ECE2: variants seen among roughly 807,000 people sequenced by gnomAD.
ECE2 encodes the protein endothelin converting enzyme 2.
A neutral mutation model predicts 100.6 loss-of-function variants in ECE2; 81 were observed. The observed-to-expected ratio is 0.81, with a 90% confidence interval of 0.67 to 0.97. The LOEUF (loss-of-function observed/expected upper bound fraction) is 0.97. Among genes scored for constraint, ECE2 ranks in the 50% least tolerant of loss-of-function variants. The pLI is 0.00. For synonymous variants in ECE2, 391 were observed against 391.5 expected (o/e 1.00, Z 0.02); for missense variants, 911 against 988.1 (o/e 0.92, Z 1.05).
rs377430904 is a variant in ECE2, at chr3:184,278,003, G to A, written c.557G>A (p.Arg186His). Residue 186 changes from arginine (R) to histidine (H), a missense_variant, in exon 5 of 19, where the codon CGC becomes CAC. Arg to His is a conservative substitution (Grantham distance 29). Transcript: ENST00000404464. ...TACCTATCTTGCCTACAGGTGGAGC[G>A]CATTGAGGAGCTGGGAGCCCAGCCA... is the stretch of plus-strand genomic sequence containing the variant. Reference protein sequence around the residue: ...RFYLSCLQVERIEELGAQPLR... With the variant: ...RFYLSCLQVEHIEELGAQPLR... 4.6e-5 allele frequency: 75 copies of A among 1,613,870 alleles called. 1 individual carries two copies. The highest frequency in any genetic ancestry group is 5.6e-5 in the Non-Finnish European group (66 of 1,180,032).
At chr3:184,276,298 C>T (rs1468723855) in intron 1 of ECE2, 106 bp downstream of exon 1, 12 of 1,397,162 alleles carry the variant, frequency 8.6e-6, no homozygotes, top group Non-Finnish European at 1.1e-5. Context: ...GGAGGTAAGG[C>T]TGCCTCCCGG....
At chr3:184,290,405 T>G (rs1399776591) in intron 14 of ECE2, 47 bp downstream of exon 14, 2 of 1,586,816 alleles carry the variant, frequency 1.3e-6, no homozygotes, top group Non-Finnish European at 8.6e-7. Context: ...GCAGGAGAGG[T>G]GGGGGAAGGT....
chr3:184,283,656 C>A, intron 7 of ECE2, 129 bp from the exon 8 acceptor site: 2 of 716,002 alleles, frequency 2.8e-6, no homozygotes, highest in Non-Finnish European at 4.2e-6. Flanking sequence ...AGAAATGAAA[C>A]AGGTCATCCA....
intron 1 of ECE2, 72 bp downstream of exon 1, chr3:184,276,264 A>G: frequency 7.0e-7 from 1 of 1,430,368 alleles, no homozygotes; most frequent in Non-Finnish European, 9.2e-7. Flanking sequence ...TCGGCCGCGG[A>G]GGGGCAGGCG....
Position 184,285,023 on chromosome 3 carries a change from T to C in ECE2, c.1066T>C (p.Leu356=). ...GTCTTTCTTGCTGTCACCATTGGAGTTGAGTGACTCTGAGCCTGTGGTGGT... is the reference window on the plus strand; with the variant it reads ...GTCTTTCTTGCTGTCACCATTGGAGCTGAGTGACTCTGAGCCTGTGGTGGT... ...FLSFLLSPLE[L]SDSEPVVVYG... Residue 356 remains leucine (L), a synonymous_variant, in exon 9 of 19, where the codon TTG becomes CTG. Transcript: ENST00000404464. 1 of 1,613,958 alleles carries C rather than the reference T, an allele frequency of 6.2e-7. No individual in the cohort carries two copies. Among genetic ancestry groups the C allele is most frequent in the Non-Finnish European group, 8.5e-7 (1 of 1,179,978 alleles).
At position 184,291,923 on chromosome 3, in the gene ECE2, G is replaced by A. The variant is rs1486993981; in HGVS notation, c.2122-139G>A. The A allele has an allele frequency of 1.0e-5, 10 of 958,268 alleles. No homozygotes were observed. The highest frequency in any genetic ancestry group is 3.4e-4 in the Middle Eastern group (1 of 2,922). 59.4% of individuals were successfully genotyped at this position (958,268 alleles called of 1,614,324 possible). A position where few individuals can be genotyped will look rare whatever the true frequency, so the allele number is the denominator to read the frequency against. ...TCGTCATGTCCATGCTGGGCAACCC[G>A]ATGTCCAGGGCAGTTTTGGAAGGAA... On this transcript the variant is annotated intron_variant, in intron 18 of 18. Transcript: ENST00000404464. The surrounding 1 kb of genome is among the most constrained non-coding windows in gnomAD (Gnocchi z 4.1).
chr3:184,288,641 G>GAT (rs1721173727), intron 11 of ECE2, among the ~76,000 whole-genome samples: 1 of 152,046 alleles, frequency 6.6e-6, no homozygotes, highest in Admixed American at 6.6e-5. Flanking sequence ...TTAAATGGCT[G>GAT]ATATATCTTT....
rs549297606 is a variant in ECE2 at position 184,288,767 on chromosome 3, A to C, written c.1375-670A>C. Among the ~76,000 whole-genome samples the C allele has an allele frequency of 4.6e-5, 7 of 152,356 alleles. No homozygotes were observed. The South Asian group carries it at 1.4e-3, about 32-fold the overall frequency. ...AGTGGGTAATCAAAATGTTAAAAGA[A>C]CTTATCTATGAATGAGTGCTTTATA... On this transcript the variant is annotated intron_variant, in intron 11 of 18. Coordinates refer to ENST00000404464, the MANE Select transcript of ECE2 (RefSeq NM_001100121.2).
intron 7 of ECE2, among the ~76,000 whole-genome samples, chr3:184,279,946 C>T (rs140724301): frequency 0.015 from 2,251 of 151,476 alleles, 26 homozygotes; most frequent in Non-Finnish European, 0.022. Flanking sequence ...GAATTAAGAG[C>T]ATCTGCGGTA....
chr3:184,285,203 A>G (rs1720983054), intron 9 of ECE2, 98 bp downstream of exon 9: 6 of 1,467,770 alleles, frequency 4.1e-6, no homozygotes, highest in African/African-American at 1.4e-5. Context: ...ACATTTGGTA[A>G]TGCTATGGGC....
chr3:184,287,845 G>A lies in ECE2; in HGVS notation c.1272G>A (p.Val424=), dbSNP rs759374994. 1.2e-6 allele frequency: 2 copies of A among 1,614,114 alleles called. No individual in the cohort carries two copies. Among genetic ancestry groups the A allele is most frequent in the Non-Finnish European group, 1.7e-6 (2 of 1,179,970 alleles). ...TCTTTGTCCTTTAACAGTCCTGTGT[G>A]CCGAGGTGGCAGACCTGCATCTCCA... ...ETLYGTKKSC[V]PRWQTCISNT... is the part of the protein sequence containing the mutation. The change falls in exon 11 of 19, where the codon GTG becomes GTA. Residue 424 remains valine, a synonymous_variant. Transcript: ENST00000404464.
At chr3:184,285,392 G>A in intron 9 of ECE2, 86 bp from the exon 10 acceptor site, 2 of 1,126,786 alleles carry the variant, frequency 1.8e-6, no homozygotes, top group Non-Finnish European at 1.3e-6. Context: ...CGGGACTCCT[G>A]CAACTTGCAT....
intron 10 of ECE2, among the ~76,000 whole-genome samples, chr3:184,286,288 G>A (rs1045214478): frequency 5.3e-5 from 8 of 152,142 alleles, no homozygotes; most frequent in Non-Finnish European, 8.8e-5. Flanking sequence ...ACTGAGAGAC[G>A]GGGTTTGGTA....
Position 184,292,338 on chromosome 3 carries a change from G to A in ECE2, c.*100G>A. The A allele has an allele frequency of 7.0e-7, 1 of 1,430,746 alleles. No homozygotes were observed. The highest frequency in any genetic ancestry group is 9.6e-7 in the Non-Finnish European group (1 of 1,040,448). 88.6% of individuals were successfully genotyped at this position (1,430,746 alleles called of 1,614,324 possible). A position where few individuals can be genotyped will look rare whatever the true frequency, so the allele number is the denominator to read the frequency against. ...GGTTGGGAGGAAGCAAATGCAAGCT[G>A]GGCTGGGTCTAGTCCCTCCCCCCCA... is the stretch of plus-strand genomic sequence containing the variant. On this transcript the variant is annotated 3_prime_UTR_variant, in exon 19 of 19. Transcript: ENST00000404464.
chr3:184,278,001 G>C lies in ECE2; in HGVS notation c.555G>C (p.Glu185Asp). The C allele has an allele frequency of 4.3e-6, 7 of 1,614,054 alleles. No homozygotes were observed. Among genetic ancestry groups the C allele is most frequent in the Admixed American group, 3.3e-5 (2 of 60,022 alleles). Residue 185 changes from glutamate to aspartate, a missense_variant, in exon 5 of 19, where the codon GAG becomes GAC. Glu to Asp is a conservative substitution (Grantham distance 45). Coordinates refer to ENST00000404464, the MANE Select transcript of ECE2 (RefSeq NM_001100121.2). ...TCTACCTATCTTGCCTACAGGTGGA[G>C]CGCATTGAGGAGCTGGGAGCCCAGC... is the stretch of plus-strand genomic sequence containing the variant. ...QRFYLSCLQV[E>D]RIEELGAQPL... is the part of the protein sequence containing the mutation.
At position 184,276,225 on chromosome 3, in the gene ECE2, A is replaced by C. The variant is rs778200839; in HGVS notation, c.39+33A>C. ...GGGGCCCCGGGCTCCACGGGAGGGG[A>C]CTGGGTGGAGGGGGACGAGGCAGAG... On this transcript the variant is annotated intron_variant, in intron 1 of 18. Transcript: ENST00000404464. 31 of 1,440,652 alleles carry C rather than the reference A, an allele frequency of 2.2e-5. No individual in the cohort carries two copies. In the South Asian group the frequency reaches 4.5e-4, roughly 21 times the overall value. The allele number at this position is 1,440,652 out of a possible 1,614,324, so 89.2% of individuals were successfully genotyped here. A position where few individuals can be genotyped will look rare whatever the true frequency, so the allele number is the denominator to read the frequency against.
intron 3 of ECE2, 87 bp from the exon 4 acceptor site, chr3:184,277,164 C>T: frequency 6.2e-7 from 1 of 1,602,556 alleles, no homozygotes; most frequent in Non-Finnish European, 8.5e-7. Flanking sequence ...TCCCAACCTT[C>T]CTGCTGTCAT....
chr3:184,292,621 T>A lies in ECE2; in HGVS notation c.*383T>A. Reference sequence around the variant, plus strand: ...CCACAGGCCTGGGTGGTGTACCTCCTGGACTTCTCCCCAGGCTCACTCAGT... The same window carrying A: ...CCACAGGCCTGGGTGGTGTACCTCCAGGACTTCTCCCCAGGCTCACTCAGT... On this transcript the variant is annotated 3_prime_UTR_variant, in exon 19 of 19. Transcript: ENST00000404464. 3.9e-6 allele frequency: 1 copy of A among 255,484 alleles called. No homozygotes were observed. The highest frequency in any genetic ancestry group is 7.7e-6 in the Non-Finnish European group (1 of 129,424). The allele number at this position is 255,484 out of a possible 1,614,324, so 15.8% of individuals were successfully genotyped here.
intron 13 of ECE2, 77 bp from the exon 14 acceptor site, chr3:184,290,175 CTAA>C: frequency 1.7e-6 from 2 of 1,147,130 alleles, no homozygotes; most frequent in South Asian, 1.4e-5. Flanking sequence ...TGGAGAGATA[CTAA>C]TGAGTAGCCA....
Sources: allele counts gnomAD v4.1 joint callset (sites outside exome capture counted in the v4.1 genomes callset), GRCh38; gene constraint gnomAD v4.1.1; non-coding constraint Gnocchi (gnomAD v3.1); transcripts MANE v1.5; gene names NCBI Gene and HGNC (gene_info 2026-07-23, HGNC 2026-07-21).